Variants in RABGAP1L observed in about 807,000 individuals in gnomAD.
The protein encoded by RABGAP1L is rab GTPase-activating protein 1-like.
A neutral mutation model predicts 137.7 loss-of-function variants in RABGAP1L; 63 were observed. The observed-to-expected ratio is 0.46, with a 90% confidence interval of 0.37 to 0.56. RABGAP1L has a LOEUF of 0.56. Ranked by LOEUF, RABGAP1L falls within the 20% of genes least tolerant of loss-of-function variation. The pLI is 0.00. For missense variants in RABGAP1L, 1,095 were observed against 1,244.0 expected, an observed-to-expected ratio of 0.88 and a Z score of 1.80; for synonymous variants, 431 against 433.7, an observed-to-expected ratio of 0.99 and a Z score of 0.08.
chr1:174,346,065 G>C (rs1436223356), intron 11 of RABGAP1L, among the ~76,000 whole-genome samples: 1 of 152,026 alleles, frequency 6.6e-6, no homozygotes, highest in African/African-American at 2.4e-5. Flanking sequence ...TGTGTATGTT[G>C]AATCATACTT....
chr1:174,849,945 G>A (rs897570416), intron 19 of RABGAP1L: 4 of 691,136 alleles, frequency 5.8e-6, no homozygotes, highest in Non-Finnish European at 1.0e-5. Flanking sequence ...GGAAGACACA[G>A]GATCTTTGGA....
At chr1:174,903,955 GA>G (rs371687455) in intron 19 of RABGAP1L, among the ~76,000 whole-genome samples, 9,424 of 75,520 alleles carry the variant, frequency 0.12, 315 homozygotes, top group Middle Eastern at 0.21. Context: ...TGTCTCAAAA[GA>G]AAAAAAAAAA....
In RABGAP1L at chr1:174,965,310, C is replaced by T. The variant is rs533062435; in HGVS notation, c.2434-3967C>T. Among the ~76,000 whole-genome samples, 114 of 152,286 alleles carry T rather than the reference C, an allele frequency of 7.5e-4. 1 individual carries two copies. Among genetic ancestry groups the T allele is most frequent in the African/African-American group, 2.7e-3 (111 of 41,564 alleles). On this transcript the variant is annotated intron_variant, in intron 20 of 25. Transcript: ENST00000681986. ...AGGCTTTGAGCATTTAGCACATCTG[C>T]TTGTGCAAACTTACAGCATGTGAAT...
intron 13 of RABGAP1L, among the ~76,000 whole-genome samples, chr1:174,550,718 A>C (rs1666366606): frequency 6.6e-6 from 1 of 151,196 alleles, no homozygotes. Context: ...TCTAACTGGC[A>C]TTTATAAAAC....
chr1:174,420,946 A>G (rs1651212953), intron 13 of RABGAP1L, among the ~76,000 whole-genome samples: 1 of 152,138 alleles, frequency 6.6e-6, no homozygotes, highest in Non-Finnish European at 1.5e-5. Flanking sequence ...AAGTGCTGGG[A>G]TTACAGGTGT....
intron 1 of RABGAP1L, among the ~76,000 whole-genome samples, chr1:174,182,414 TC>T (rs1666451544): frequency 6.6e-6 from 1 of 152,144 alleles, no homozygotes; most frequent in African/African-American, 2.4e-5. Flanking sequence ...CCCCTTCAAT[TC>T]CTAGAAGACG....
chr1:174,946,313 G>A (rs1010648803), intron 19 of RABGAP1L, among the ~76,000 whole-genome samples: 5 of 152,166 alleles, frequency 3.3e-5, no homozygotes, highest in Admixed American at 2.0e-4. Context: ...GTAACATAGT[G>A]TATGACTAAG....
At chr1:174,162,553 A>C (rs941869298) in intron 1 of RABGAP1L, among the ~76,000 whole-genome samples, 1 of 152,104 alleles carries the variant, frequency 6.6e-6, no homozygotes, top group Non-Finnish European at 1.5e-5. Flanking sequence ...CAAGTGGGGT[A>C]TGGATCATTA....
chr1:174,812,038 T>C, intron 19 of RABGAP1L, 78 bp downstream of exon 19: 2 of 1,324,756 alleles, frequency 1.5e-6, no homozygotes, highest in Non-Finnish European at 2.0e-6. Context: ...AAAATTTTTT[T>C]ATATGTTGCA....
intron 11 of RABGAP1L, among the ~76,000 whole-genome samples, chr1:174,354,742 A>G (rs1330995812): frequency 3.3e-5 from 5 of 152,148 alleles, no homozygotes; most frequent in Admixed American, 6.5e-5. Flanking sequence ...GCCCATGCCT[A>G]TGTCCTGAAT....
intron 21 of RABGAP1L, among the ~76,000 whole-genome samples, chr1:174,973,812 A>C (rs756021699): frequency 1.3e-5 from 2 of 152,122 alleles, no homozygotes; most frequent in Admixed American, 1.3e-4. Flanking sequence ...TCTGTTCACA[A>C]AGTGGAAATT....
chr1:174,422,873 G>C (rs1207302527), intron 13 of RABGAP1L, among the ~76,000 whole-genome samples: 2 of 151,008 alleles, frequency 1.3e-5, no homozygotes, highest in Middle Eastern at 3.4e-3. Flanking sequence ...CTTGAACCCC[G>C]GAGGTGGAGG....
At chr1:174,200,359 TTC>T (rs1478035704) in intron 1 of RABGAP1L, among the ~76,000 whole-genome samples, 1 of 152,178 alleles carries the variant, frequency 6.6e-6, no homozygotes, top group Non-Finnish European at 1.5e-5. Flanking sequence ...GACAGGAAAA[TTC>T]TATACCTTTT....
At chr1:174,552,944 T>G (rs984626759) in intron 13 of RABGAP1L, among the ~76,000 whole-genome samples, 9 of 152,244 alleles carry the variant, frequency 5.9e-5, no homozygotes, top group African/African-American at 2.2e-4. Flanking sequence ...GGTATCTCAT[T>G]GTGGTTTCAA....
rs940430402 is a variant in RABGAP1L at position 174,219,212 on chromosome 1, A to G, written c.55A>G (p.Thr19Ala). Residue 19 changes from threonine (T) to alanine (A), a missense_variant, in exon 2 of 26, where the codon ACA becomes GCA. Coordinates refer to ENST00000681986, the MANE Select transcript of RABGAP1L (RefSeq NM_001366446.1). Reference protein sequence around the residue: ...KVSGSSDSVATMNSEEFVLVP... With the variant: ...KVSGSSDSVAAMNSEEFVLVP... ...TAGTGGATCATCTGATTCTGTGGCT[A>G]CAATGAACAGTGAAGAATTTGTTTT... 6.2e-7 allele frequency: 1 copy of G among 1,604,360 alleles called. No individual in the cohort carries two copies. The highest frequency in any genetic ancestry group is 8.5e-7 in the Non-Finnish European group (1 of 1,173,580).
chr1:174,649,028 CT>C (rs879026387), intron 14 of RABGAP1L, among the ~76,000 whole-genome samples: 1 of 151,792 alleles, frequency 6.6e-6, no homozygotes, highest in East Asian at 1.9e-4. Flanking sequence ...GCCACCCCTG[CT>C]TTTTTTTGCT....
At chr1:174,892,896 A>ATTTTTTTT (rs748971722) in intron 19 of RABGAP1L, among the ~76,000 whole-genome samples, 1,965 of 91,642 alleles carry the variant, frequency 0.021, no homozygotes, top group African/African-American at 0.043. Flanking sequence ...CACCCAGCTA[A>ATTTTTTTT]TTTTTTTTTT....
chr1:174,427,378 G>A (rs1203228902), intron 13 of RABGAP1L, among the ~76,000 whole-genome samples: 1 of 151,958 alleles, frequency 6.6e-6, no homozygotes, highest in East Asian at 1.9e-4. Flanking sequence ...TGCCAGTTTA[G>A]CAACTTCATT....
rs754332647 is a variant in RABGAP1L at position 174,702,260 on chromosome 1, G to C, written c.2169+4G>C. The C allele has an allele frequency of 6.3e-7, 1 of 1,589,946 alleles. No individual in the cohort carries two copies. The highest frequency in any genetic ancestry group is 8.5e-7 in the Non-Finnish European group (1 of 1,169,820). The stretch of plus-strand genomic sequence containing the variant: ...CATTGACTTACTGCTTTGTGAGGTA[G>C]AGTGACTCCCATCTTTCACTAAGCC... On this transcript the variant is annotated splice_donor_region_variant and intron_variant, in intron 17 of 25. Transcript: ENST00000681986.
Sources: gnomAD v4.1 joint callset for allele counts (sites outside exome capture counted in the v4.1 genomes callset) on GRCh38, gnomAD v4.1.1 for gene constraint, MANE v1.5 for transcripts, NCBI Gene and HGNC (gene_info 2026-07-23, HGNC 2026-07-21) for gene names.